The following HIPK3 variants were observed in gnomAD, a reference collection of about 807,000 sequenced individuals.
HIPK3 encodes homeodomain interacting protein kinase 3.
In HIPK3, 47 loss-of-function variants were observed where a neutral mutation model predicts 124.2. The observed-to-expected ratio is 0.38, with a 90% CI of 0.30 to 0.48. The LOEUF (loss-of-function observed/expected upper bound fraction) is 0.48, where lower values mean the gene tolerates loss of function less well. Ranked by LOEUF, HIPK3 falls within the 20% of genes least tolerant of loss-of-function variation. HIPK3 has a pLI of 0.98. For synonymous variants in HIPK3, 482 were observed against 515.2 expected, an observed-to-expected ratio of 0.94 and a Z score of 0.87; for missense variants, 1,286 against 1,454.3, an observed-to-expected ratio of 0.88 and a Z score of 1.88.
intron 2 of HIPK3, among the ~76,000 whole-genome samples, chr11:33,302,130 A>G (rs1852017522): frequency 6.6e-6 from 1 of 152,204 alleles, no homozygotes; most frequent in African/African-American, 2.4e-5. Flanking sequence ...AAGGTTATCT[A>G]GAATCCCTTT....
At chr11:33,296,301 G>A (rs1373559291) in intron 2 of HIPK3, among the ~76,000 whole-genome samples, 1 of 152,098 alleles carries the variant, frequency 6.6e-6, no homozygotes, top group African/African-American at 2.4e-5. Context: ...TGCTTTTTCT[G>A]TCCAGCCCTT....
chr11:33,278,736 C>T lies in HIPK3; in HGVS notation c.-2-7677C>T, dbSNP rs192561098. 6.3e-4 allele frequency among the ~76,000 whole-genome samples: 95 copies of T among 151,844 alleles called. 1 individual carries two copies. The highest frequency in any genetic ancestry group is 1.7e-3 in the South Asian group (8 of 4,798). On this transcript the variant is annotated intron_variant, in intron 1 of 16. Transcript: ENST00000303296. Reference sequence around the variant, plus strand: ...GTGGACGCCTGTAGTCCCAGCTACTCGGAAGGCTGAGGCAGGAGAATGGCG... The same window carrying T: ...GTGGACGCCTGTAGTCCCAGCTACTTGGAAGGCTGAGGCAGGAGAATGGCG...
rs1853724954 is a variant in HIPK3, at chr11:33,353,324, A to G, written c.3404A>G (p.His1135Arg). 6.2e-7 allele frequency: 1 copy of G among 1,613,968 alleles called. No homozygotes were observed. The highest frequency in any genetic ancestry group is 1.3e-5 in the African/African-American group (1 of 74,892). ...ATLSSAAPVAHLLASPCTSRP... is the reference protein window; with the variant it reads ...ATLSSAAPVARLLASPCTSRP... ...CTCAGTAGTGCTGCACCAGTGGCCC[A>G]CCTGTTAGCCTCTCCGTGTACCTCA... is the stretch of plus-strand genomic sequence containing the variant. Residue 1135 changes from histidine to arginine, a missense_variant, in exon 17 of 17, where the codon CAC (histidine) becomes CGC (arginine). His to Arg is a conservative substitution (Grantham distance 29). Coordinates refer to ENST00000303296, the MANE Select transcript of HIPK3 (RefSeq NM_005734.5).
intron 2 of HIPK3, among the ~76,000 whole-genome samples, chr11:33,316,113 T>C (rs2133950863): frequency 6.6e-6 from 1 of 152,372 alleles, no homozygotes; most frequent in Non-Finnish European, 1.5e-5. Flanking sequence ...ATGTTATTTC[T>C]TATTATATCG....
chr11:33,269,137 T>C (rs931477307), intron 1 of HIPK3, among the ~76,000 whole-genome samples: 2 of 152,218 alleles, frequency 1.3e-5, no homozygotes, highest in Admixed American at 6.5e-5. Flanking sequence ...CTTTATTGCA[T>C]AGCTTGGCAG....
In HIPK3 at chr11:33,340,847, G is replaced by A. The variant is rs1173221879; in HGVS notation, c.1614-121G>A. 5.5e-6 allele frequency: 3 copies of A among 546,812 alleles called. No homozygotes were observed. In the African/African-American group the frequency reaches 5.8e-5, roughly 11 times the overall value. The allele number at this position is 546,812 out of a possible 1,614,324, so 33.9% of individuals were successfully genotyped here. On this transcript the variant is annotated intron_variant, in intron 6 of 16. Coordinates refer to ENST00000303296, the MANE Select transcript of HIPK3 (RefSeq NM_005734.5). ...TTAGAAATACTATTGGAAATAAGCAGATTAAGTGCAAATTAGGATTTTTTT... is the reference window on the plus strand; with the variant it reads ...TTAGAAATACTATTGGAAATAAGCAAATTAAGTGCAAATTAGGATTTTTTT...
intron 2 of HIPK3, among the ~76,000 whole-genome samples, chr11:33,315,469 CCTGCCTCGGCCTCCCAA>C (rs1333025870): frequency 1.3e-5 from 2 of 152,222 alleles, no homozygotes; most frequent in East Asian, 3.9e-4. Context: ...TCGTGATCCA[CCTGCCTCGGCCTCCCAA>C]GGTGCTGGGA....
intron 3 of HIPK3, chr11:33,335,856 C>T (rs1263129809): frequency 6.6e-6 from 1 of 151,990 alleles, no homozygotes; most frequent in African/African-American, 2.4e-5. Flanking sequence ...CAATTTTAGC[C>T]CCCAGAGATC....
chr11:33,267,995 G>T (rs1851016362), intron 1 of HIPK3, among the ~76,000 whole-genome samples: 1 of 151,990 alleles, frequency 6.6e-6, no homozygotes, highest in African/African-American at 2.4e-5. Context: ...CAGACCACCT[G>T]AGCTCAGGAG....
At chr11:33,257,299 CGCTGCCGGGCGGGCGGT>C (rs1850689816), upstream of HIPK3, 7 of 983,270 alleles carry the variant, frequency 7.1e-6, no homozygotes, top group South Asian at 4.7e-5. Context: ...GGGCGCGCAG[CGCTGCCGGGCGGGCGGT>C]GGCGCTGCGG....
intron 2 of HIPK3, among the ~76,000 whole-genome samples, chr11:33,312,345 G>A (rs1852374840): frequency 6.6e-6 from 1 of 152,150 alleles, no homozygotes; most frequent in Non-Finnish European, 1.5e-5. Context: ...GTGTTATGTG[G>A]AAGAGTGCTA....
chr11:33,267,819 T>G (rs1851012642), intron 1 of HIPK3, among the ~76,000 whole-genome samples: 1 of 152,186 alleles, frequency 6.6e-6, no homozygotes, highest in Non-Finnish European at 1.5e-5. Flanking sequence ...TGTATTTCAT[T>G]TATGTAACTT....
chr11:33,264,150 T>C (rs564713598), intron 1 of HIPK3, among the ~76,000 whole-genome samples: 366 of 152,278 alleles, frequency 2.4e-3, no homozygotes, highest in Admixed American at 5.9e-3. Flanking sequence ...TCTTCGCTGC[T>C]AACCTTGTCT....
At position 33,348,615 on chromosome 11, in the gene HIPK3, A is replaced by G. The variant is rs748551613; in HGVS notation, c.2463A>G (p.Ile821Met). The change falls in exon 13 of 17, where the codon ATA (isoleucine) becomes ATG (methionine). Residue 821 changes from isoleucine (I) to methionine (M), a missense_variant. Around this residue, in one of 3 missense-constraint regions of HIPK3, gnomAD observed 810 missense variants for 864.9 expected, o/e 0.94. Coordinates refer to ENST00000303296, the MANE Select transcript of HIPK3 (RefSeq NM_005734.5). ...NGKDVEEVSC[I>M]ETQDNQNSEG... ...AAGATGTCGAGGAAGTAAGTTGTAT[A>G]GAAACACAGGACAATCAGAACTCAG... The G allele has an allele frequency of 6.2e-7, 1 of 1,614,128 alleles. No homozygotes were observed. The highest frequency in any genetic ancestry group is 8.5e-7 in the Non-Finnish European group (1 of 1,179,940).
At chr11:33,331,947 G>A (rs918749923) in intron 3 of HIPK3, among the ~76,000 whole-genome samples, 1 of 152,138 alleles carries the variant, frequency 6.6e-6, no homozygotes, top group African/African-American at 2.4e-5. Context: ...TGGATGGAGT[G>A]CAGTGGCAGG....
Position 33,355,358 on chromosome 11 carries a change from T to G in HIPK3, c.*1790T>G, listed in dbSNP as rs760334339. On this transcript the variant is annotated 3_prime_UTR_variant, in exon 17 of 17. Transcript: ENST00000303296. ...GCTCATCACTGCATATTAAAAAAAC[T>G]TGGATGTATCAGTGTAACTTAATTT... The G allele has an allele frequency of 2.6e-5, 4 of 152,088 alleles. No individual in the cohort carries two copies. Among genetic ancestry groups the G allele is most frequent in the Admixed American group, 1.3e-4 (2 of 15,266 alleles). The allele number at this position is 152,088 out of a possible 1,614,324, so 9.4% of individuals were successfully genotyped here.
At chr11:33,256,799 T>G, upstream of HIPK3, 1 of 548,778 alleles carries the variant, frequency 1.8e-6, no homozygotes, top group Non-Finnish European at 2.2e-6. Flanking sequence ...AGAGATGCTC[T>G]TAAAATTTCC....
At chr11:33,281,848 A>G (rs1021845816) in intron 1 of HIPK3, among the ~76,000 whole-genome samples, 3 of 152,038 alleles carry the variant, frequency 2.0e-5, no homozygotes, top group Admixed American at 1.3e-4. Flanking sequence ...GTACCTTTTG[A>G]TGGATATGTA....
At chr11:33,263,891 T>A (rs1361852105) in intron 1 of HIPK3, among the ~76,000 whole-genome samples, 2 of 152,230 alleles carry the variant, frequency 1.3e-5, no homozygotes, top group African/African-American at 4.8e-5. Context: ...AAGTCTTATG[T>A]TCCAGGACTA....
Sources: gnomAD v4.1 joint callset for allele counts (sites outside exome capture counted in the v4.1 genomes callset) on GRCh38, gnomAD v4.1.1 for gene constraint, gnomAD v4.1.1 regional missense constraint, MANE v1.5 for transcripts, NCBI Gene and HGNC (gene_info 2026-07-23, HGNC 2026-07-21) for gene names.